The following KRT6B variants were observed in gnomAD, a reference collection of about 807,000 sequenced individuals.
KRT6B encodes the protein keratin, type II cytoskeletal 6B.
A neutral mutation model predicts 44.7 loss-of-function variants in KRT6B; 29 were observed. The observed-to-expected ratio is 0.65, with a 90% confidence interval of 0.48 to 0.88. The LOEUF is 0.88. KRT6B is among the 40% of genes least tolerant of loss of function. The pLI is 0.00. For synonymous variants in KRT6B, 213 were observed against 296.0 expected, an observed-to-expected ratio of 0.72 and a Z score of 2.88; for missense variants, 600 against 724.0, an observed-to-expected ratio of 0.83 and a Z score of 1.97.
intron 5 of KRT6B, among the ~76,000 whole-genome samples, chr12:52,449,172 G>C (rs1014538128): frequency 2.0e-5 from 3 of 152,188 alleles, no homozygotes; most frequent in Non-Finnish European, 2.9e-5. Flanking sequence ...TGCCTGCCTA[G>C]TTTTCTTAGG....
Position 52,449,798 on chromosome 12 carries a change from A to G in KRT6B, c.872T>C (p.Leu291Pro), listed in dbSNP as rs1940368863. ...TCTCAGGAAGTTGATCTCATCTGTA[A>G]GAGTGTCTGCCTTGGCTTGCAGTTC... ...KVELQAKADT[L>P]TDEINFLRAL... The change falls in exon 4 of 9, where the codon CTT becomes CCT. Residue 291 changes from leucine (L) to proline (P), a missense_variant. By Grantham distance (98) the Leu-to-Pro change is moderately conservative. Around this residue, in one of 4 missense-constraint regions of KRT6B, gnomAD observed 479 missense variants for 454.2 expected, o/e 1.05. Transcript: ENST00000252252. 1 of 1,614,004 alleles carries G rather than the reference A, an allele frequency of 6.2e-7. No homozygotes were observed. Among genetic ancestry groups the G allele is most frequent in the Non-Finnish European group, 8.5e-7 (1 of 1,179,890 alleles).
intron 1 of KRT6B, among the ~76,000 whole-genome samples, chr12:52,450,938 T>A (rs1940394323): frequency 6.6e-6 from 1 of 152,280 alleles, no homozygotes; most frequent in Admixed American, 6.5e-5. Context: ...ACCTGATATA[T>A]TGTACACAGT....
At chr12:52,450,158 T>A in intron 2 of KRT6B, 86 bp from the exon 3 acceptor site, 1 of 1,610,360 alleles carries the variant, frequency 6.2e-7, no homozygotes. Context: ...TTTTCCTGAA[T>A]GGAATATATT....
Position 52,450,450 on chromosome 12 carries a change from C to G in KRT6B, c.711G>C (p.Ser237=). The G allele has an allele frequency of 6.2e-7, 1 of 1,614,172 alleles. No individual in the cohort carries two copies. The highest frequency in any genetic ancestry group is 1.7e-5 in the Admixed American group (1 of 60,032). ...CCAGGTCCTGCATGTTTCTCAGCTCCGAGTCCAGACGACCCCGTTCCCCCA... is the reference window on the plus strand; with the variant it reads ...CCAGGTCCTGCATGTTTCTCAGCTCGGAGTCCAGACGACCCCGTTCCCCCA... ...NIVGERGRLD[S]ELRNMQDLVE... is the part of the protein sequence containing the mutation. Residue 237 remains serine, a synonymous_variant, in exon 2 of 9, where the codon TCG becomes TCC. Transcript: ENST00000252252.
At position 52,450,483 on chromosome 12, in the gene KRT6B, G is replaced by C. The variant is rs368023519; in HGVS notation, c.678C>G (p.Asp226Glu). The C allele has an allele frequency of 4.3e-6, 7 of 1,614,100 alleles. No individual in the cohort carries two copies. The African/African-American group carries it at 8.0e-5, about 18-fold the overall frequency. The change falls in exon 2 of 9, where the codon GAC becomes GAG. Residue 226 changes from aspartate (D) to glutamate (E), a missense_variant. Coordinates refer to ENST00000252252, the MANE Select transcript of KRT6B (RefSeq NM_005555.4). ...GACGACCCCGTTCCCCCACGATGTT[G>C]TCCAGCTGCCTCCTGAGGTTGTTGA... ...QYINNLRRQL[D>E]NIVGERGRLD... is the part of the protein sequence containing the mutation.
rs4079521 is a variant in KRT6B, at chr12:52,449,523, A to C, written c.1023T>G (p.Tyr341Ter). ...DSIIAEVKAQYEEIAQRSRAE... is the reference protein window; with the variant it reads ...DSIIAEVKAQ ...CCCTGCTCCTCTGAGCAATCTCCTC[A>C]TATTGGGCCTTGACCTCAGCGATGA... The change falls in exon 5 of 9, where the codon TAT (tyrosine) becomes TAG (stop). Residue 341 changes from tyrosine (Y) to a stop codon, truncating the protein, a stop_gained. Transcript: ENST00000252252. LOFTEE classifies it high-confidence loss of function. The C allele has an allele frequency of 1.9e-6, 3 of 1,613,870 alleles. No individual in the cohort carries two copies. The highest frequency in any genetic ancestry group is 2.5e-6 in the Non-Finnish European group (3 of 1,179,998).
rs1328018269 is a variant in KRT6B at position 52,452,138 on chromosome 12, A to C, written c.-60T>G. On this transcript the variant is annotated 5_prime_UTR_variant, in exon 1 of 9. Transcript: ENST00000252252. ...AGAGGCTGGAGGCGAGAGGGAGGAG[A>C]AGCAGGACGAGGAATCGGACTCCAG... 6.8e-6 allele frequency: 11 copies of C among 1,611,748 alleles called. 1 individual carries two copies. The African/African-American group carries it at 1.5e-4, about 22-fold the overall frequency.
At chr12:52,451,442 C>T (rs1378937993) in intron 1 of KRT6B, 97 bp downstream of exon 1, 78 of 1,610,912 alleles carry the variant, frequency 4.8e-5, no homozygotes, top group Non-Finnish European at 6.0e-5. Flanking sequence ...GCTGAGTCCC[C>T]TTCTCCCTCC....
In KRT6B at chr12:52,448,858, T is replaced by C. The variant is rs1389853835; in HGVS notation, c.1187A>G (p.Asp396Gly). ...RMIQRLRSEI[D>G]HVKKQCANLQ... ...TCACCATACCTGCTTCTTGACGTGGTCGATCTCAGATCTCAGCCTCTGGAT... is the reference window on the plus strand; with the variant it reads ...TCACCATACCTGCTTCTTGACGTGGCCGATCTCAGATCTCAGCCTCTGGAT... The change falls in exon 6 of 9, where the codon GAC becomes GGC. Residue 396 changes from aspartate to glycine, a missense_variant. This residue lies in a region of KRT6B where 479 missense variants were observed against 454.2 expected (regional missense o/e 1.05). Transcript: ENST00000252252. 2 of 1,614,130 alleles carry C rather than the reference T, an allele frequency of 1.2e-6. No homozygotes were observed. Among genetic ancestry groups the C allele is most frequent in the Admixed American group, 3.3e-5 (2 of 60,016 alleles).
chr12:52,448,414 T>A (rs1484702287), intron 6 of KRT6B, among the ~76,000 whole-genome samples: 1 of 152,194 alleles, frequency 6.6e-6, no homozygotes, highest in Non-Finnish European at 1.5e-5. Flanking sequence ...CTGCCTCACA[T>A]CCTCTCACCT....
intron 5 of KRT6B, 92 bp downstream of exon 5, chr12:52,449,377 C>G: frequency 6.4e-7 from 1 of 1,571,992 alleles, no homozygotes; most frequent in Non-Finnish European, 8.8e-7. Flanking sequence ...CCCCAGCTTC[C>G]TGTCAGGGGA....
intron 3 of KRT6B, 40 bp from the exon 4 acceptor site, chr12:52,449,893 C>T (rs1428081996): frequency 1.9e-6 from 3 of 1,613,632 alleles, no homozygotes; most frequent in African/African-American, 2.7e-5. Context: ...CCTGAGCTCA[C>T]CTTTCCAATC....
chr12:52,447,435 G>T lies in KRT6B; in HGVS notation c.1460-10C>A, dbSNP rs770916621. On this transcript the variant is annotated splice_polypyrimidine_tract_variant and intron_variant, in intron 8 of 8. Transcript: ENST00000252252. ...GTGGACTGCACTACAGCTGTGGTGG[G>T]GAGGGGACAAGGACACAAGAAGCCA... The T allele has an allele frequency of 2.1e-5, 34 of 1,613,950 alleles. No homozygotes were observed. Among genetic ancestry groups the T allele is most frequent in the Middle Eastern group, 3.3e-4 (2 of 6,084 alleles).
chr12:52,447,690 C>T, intron 7 of KRT6B, 88 bp downstream of exon 7: 1 of 1,613,940 alleles, frequency 6.2e-7, no homozygotes, highest in Non-Finnish European at 8.5e-7. Flanking sequence ...GCAATTATGG[C>T]CTTGGGCAGT....
intron 7 of KRT6B, 85 bp downstream of exon 7, chr12:52,447,693 T>G: frequency 6.2e-7 from 1 of 1,614,038 alleles, no homozygotes; most frequent in African/African-American, 1.3e-5. Flanking sequence ...ATTATGGCCT[T>G]GGGCAGTGCA....
intron 6 of KRT6B, 114 bp from the exon 7 acceptor site, chr12:52,448,112 T>C (rs1940342377): frequency 7.4e-7 from 1 of 1,354,514 alleles, no homozygotes; most frequent in Non-Finnish European, 1.0e-6. Context: ...TGATGGTAAA[T>C]GAGCTCTGAC....
At position 52,448,860 on chromosome 12, in the gene KRT6B, G is replaced by A. The variant is rs768268060; in HGVS notation, c.1185C>T (p.Ile395=). 5.6e-6 allele frequency: 9 copies of A among 1,613,844 alleles called. No individual in the cohort carries two copies. Among genetic ancestry groups the A allele is most frequent in the Admixed American group, 3.3e-5 (2 of 59,976 alleles). ...ACCATACCTGCTTCTTGACGTGGTC[G>A]ATCTCAGATCTCAGCCTCTGGATCA... ...NRMIQRLRSE[I]DHVKKQCANL... Residue 395 remains isoleucine (I), a synonymous_variant, in exon 6 of 9, where the codon ATC becomes ATT. Transcript: ENST00000252252.
Position 52,450,429 on chromosome 12 carries a change from G to T in KRT6B, c.732C>A (p.Asp244Glu), listed in dbSNP as rs530749595. The change falls in exon 2 of 9, where the codon GAC (aspartate) becomes GAA (glutamate). Residue 244 changes from aspartate (D) to glutamate (E), a missense_variant. Physicochemically the swap from Asp to Glu is conservative, Grantham distance 45. Transcript: ENST00000252252. ...RLDSELRNMQ[D>E]LVEDLKNKYE... ...ACTTGTTCTTGAGGTCCTCCACCAGGTCCTGCATGTTTCTCAGCTCCGAGT... is the reference window on the plus strand; with the variant it reads ...ACTTGTTCTTGAGGTCCTCCACCAGTTCCTGCATGTTTCTCAGCTCCGAGT... 2 of 1,614,052 alleles carry T rather than the reference G, an allele frequency of 1.2e-6. No individual in the cohort carries two copies. Among genetic ancestry groups the T allele is most frequent in the East Asian group, 2.2e-5 (1 of 44,794 alleles).
intron 1 of KRT6B, 28 bp downstream of exon 1, chr12:52,451,511 C>T (rs1193610219): frequency 6.2e-7 from 1 of 1,613,530 alleles, no homozygotes; most frequent in Non-Finnish European, 8.5e-7. Context: ...CCCTGAAGTG[C>T]CCGATGGAGG....
Sources: allele counts gnomAD v4.1 joint callset (sites outside exome capture counted in the v4.1 genomes callset), GRCh38; gene constraint gnomAD v4.1.1; regional missense constraint gnomAD v4.1.1; transcripts MANE v1.5; gene names NCBI Gene and HGNC (gene_info 2026-07-23, HGNC 2026-07-21).